Variants in ATRNL1 observed in about 807,000 individuals in gnomAD.
ATRNL1 encodes attractin-like protein 1.
A neutral mutation model predicts 182.7 loss-of-function variants in ATRNL1; 95 were observed. That is an observed-to-expected ratio of 0.52 (90% CI 0.44 to 0.62). The LOEUF is 0.62. Among genes scored for constraint, ATRNL1 ranks in the 20% least tolerant of loss-of-function variants. ATRNL1 has a pLI of 0.00. For missense variants in ATRNL1, 1,471 were observed against 1,679.5 expected, an observed-to-expected ratio of 0.88 and a Z score of 2.17; for synonymous variants, 576 against 568.3, an observed-to-expected ratio of 1.01 and a Z score of -0.19.
chr10:115,177,436 A>G (rs1017525668), intron 8 of ATRNL1, among the ~76,000 whole-genome samples: 9 of 152,262 alleles, frequency 5.9e-5, no homozygotes, highest in African/African-American at 2.2e-4. Flanking sequence ...GAAGCAGACA[A>G]TGAGACAGGA....
intron 26 of ATRNL1, among the ~76,000 whole-genome samples, chr10:115,696,526 C>T (rs1946564864): frequency 6.6e-6 from 1 of 152,080 alleles, no homozygotes; most frequent in African/African-American, 2.4e-5. Flanking sequence ...GGTATATGCC[C>T]AGTAGTAGGA....
At chr10:115,485,237 A>T (rs1288447722) in intron 24 of ATRNL1, among the ~76,000 whole-genome samples, 1 of 152,044 alleles carries the variant, frequency 6.6e-6, no homozygotes, top group Non-Finnish European at 1.5e-5. Context: ...AAACCATAGT[A>T]GAATTTCCCT....
chr10:115,422,591 A>G (rs912282934), intron 20 of ATRNL1, among the ~76,000 whole-genome samples: 13 of 152,214 alleles, frequency 8.5e-5, no homozygotes, highest in Non-Finnish European at 1.8e-4. Flanking sequence ...GTGGGATTGT[A>G]AATTAGTTTA....
chr10:115,243,169 G>A (rs1161734209), intron 10 of ATRNL1, among the ~76,000 whole-genome samples: 4 of 152,052 alleles, frequency 2.6e-5, no homozygotes, highest in African/African-American at 7.2e-5. Flanking sequence ...TTTTGCAAAA[G>A]GTTCTTCAAG....
At chr10:115,238,065 C>A (rs1172374858) in intron 9 of ATRNL1, among the ~76,000 whole-genome samples, 1 of 152,216 alleles carries the variant, frequency 6.6e-6, no homozygotes, top group Non-Finnish European at 1.5e-5. Context: ...GTGTCTATTT[C>A]TGAGCTCTCT....
chr10:115,475,655 C>G (rs2134590828), intron 24 of ATRNL1, among the ~76,000 whole-genome samples: 1 of 151,456 alleles, frequency 6.6e-6, no homozygotes, highest in East Asian at 1.9e-4. Context: ...ATAGGGTTAT[C>G]ATGATGATTA....
chr10:115,801,654 A>T (rs192643687), intron 27 of ATRNL1, among the ~76,000 whole-genome samples: 12 of 152,298 alleles, frequency 7.9e-5, no homozygotes, highest in East Asian at 3.9e-4. Context: ...TAGTGTCAAC[A>T]TTAACATGAC....
chr10:115,270,014 A>C (rs1361759984), intron 13 of ATRNL1, among the ~76,000 whole-genome samples: 1 of 151,874 alleles, frequency 6.6e-6, no homozygotes, highest in Admixed American at 6.6e-5. Context: ...AACAAGATAT[A>C]CTTCAATTTT....
At chr10:115,877,468 T>C (rs1287070737) in intron 28 of ATRNL1, among the ~76,000 whole-genome samples, 1 of 152,212 alleles carries the variant, frequency 6.6e-6, no homozygotes, top group Non-Finnish European at 1.5e-5. Flanking sequence ...CTCCAGAATA[T>C]GGAAGTTTGG....
At chr10:115,376,387 A>G (rs1409104689) in intron 19 of ATRNL1, among the ~76,000 whole-genome samples, 1 of 152,078 alleles carries the variant, frequency 6.6e-6, no homozygotes, top group Non-Finnish European at 1.5e-5. Context: ...ATTCTAGGTC[A>G]AGCAATCCTC....
At position 115,247,412 on chromosome 10, in the gene ATRNL1, A is replaced by G. The variant is rs1481286238; in HGVS notation, c.1687+5687A>G. Among the ~76,000 whole-genome samples the G allele has an allele frequency of 3.3e-5, 5 of 152,238 alleles. No homozygotes were observed. The East Asian group carries it at 5.8e-4, about 18-fold the overall frequency. On this transcript the variant is annotated intron_variant, in intron 10 of 28. Coordinates refer to ENST00000355044, the MANE Select transcript of ATRNL1 (RefSeq NM_207303.4). ...TCAAAAGAAGACATACAAATAACCA[A>G]TAATATATGACAACATGTTCAACAT...
At chr10:115,139,196 G>A (rs1845651285) in intron 5 of ATRNL1, among the ~76,000 whole-genome samples, 1 of 152,152 alleles carries the variant, frequency 6.6e-6, no homozygotes, top group Non-Finnish European at 1.5e-5. Context: ...AGTCTCTAGG[G>A]AGTCCACACT....
intron 8 of ATRNL1, among the ~76,000 whole-genome samples, chr10:115,188,778 C>T (rs1266990985): frequency 1.3e-5 from 2 of 151,826 alleles, no homozygotes; most frequent in African/African-American, 4.8e-5. Flanking sequence ...GTAAATTGGA[C>T]ATTGATTTTT....
At chr10:115,285,020 C>G (rs1852539831) in intron 14 of ATRNL1, among the ~76,000 whole-genome samples, 1 of 152,034 alleles carries the variant, frequency 6.6e-6, no homozygotes, top group African/African-American at 2.4e-5. Flanking sequence ...ATTCATTAAT[C>G]CTTCTTTATT....
intron 17 of ATRNL1, among the ~76,000 whole-genome samples, chr10:115,304,371 G>GCAA (rs782394968): frequency 3.3e-5 from 5 of 152,124 alleles, no homozygotes; most frequent in Non-Finnish European, 5.9e-5. Context: ...ATTCTAGTTA[G>GCAA]CAATTATAGT....
chr10:115,545,575 G>A (rs1259560950), intron 25 of ATRNL1, among the ~76,000 whole-genome samples: 1 of 152,128 alleles, frequency 6.6e-6, no homozygotes, highest in East Asian at 1.9e-4. Context: ...ACGATAATCA[G>A]TTGAGTCATA....
intron 24 of ATRNL1, among the ~76,000 whole-genome samples, chr10:115,477,080 G>T (rs1554973295): frequency 1.3e-5 from 2 of 151,384 alleles, no homozygotes; most frequent in African/African-American, 2.4e-5. Flanking sequence ...TCTTAAAAAA[G>T]TTTTAACATG....
chr10:115,633,534 G>T (rs1177983717), intron 26 of ATRNL1, among the ~76,000 whole-genome samples: 1 of 152,088 alleles, frequency 6.6e-6, no homozygotes, highest in Non-Finnish European at 1.5e-5. Context: ...ACATAACCAT[G>T]GGTTCTGATT....
chr10:115,600,498 T>C (rs191672521), intron 26 of ATRNL1, among the ~76,000 whole-genome samples: 1 of 152,258 alleles, frequency 6.6e-6, no homozygotes, highest in African/African-American at 2.4e-5. Context: ...TGTTGGCTAA[T>C]GGTATTGAAT....
Sources: allele counts gnomAD v4.1 joint callset (sites outside exome capture counted in the v4.1 genomes callset), GRCh38; gene constraint gnomAD v4.1.1; transcripts MANE v1.5; gene names NCBI Gene and HGNC (gene_info 2026-07-23, HGNC 2026-07-21).